Variants in GRIN2D observed in about 807,000 individuals in gnomAD.
GRIN2D encodes glutamate receptor ionotropic, NMDA 2D.
In GRIN2D, 37 loss-of-function variants were observed where a neutral mutation model predicts 103.2. The ratio of observed to expected loss-of-function variants is 0.36; its 90% CI spans 0.28 to 0.47. The LOEUF is 0.47. GRIN2D is among the 20% of genes least tolerant of loss of function. The probability of loss-of-function intolerance (pLI) is 1.00; values close to 1 mark genes in which losing one functional copy is unlikely to be tolerated. For synonymous variants in GRIN2D, 845 were observed against 885.6 expected (o/e 0.95, Z 0.81); for missense variants, 1,557 against 1,910.6 (o/e 0.81, Z 3.45).
At chr19:48,424,334 A>C (rs1316451122) in intron 11 of GRIN2D, among the ~76,000 whole-genome samples, 23 of 131,526 alleles carry the variant, frequency 1.7e-4, no homozygotes, top group Admixed American at 1.1e-3. Flanking sequence ...GCAGTGGCAC[A>C]ATCTCGGCTC....
Position 48,442,691 on chromosome 19 carries a change from C to T in GRIN2D, c.2765C>T (p.Ala922Val), listed in dbSNP as rs571334598. The T allele has an allele frequency of 1.7e-4, 203 of 1,184,806 alleles. 2 individuals carry two copies. The African/African-American group carries it at 3.0e-3, about 18-fold the overall frequency. 73.4% of individuals were successfully genotyped at this position (1,184,806 alleles called of 1,614,324 possible). The change falls in exon 14 of 14, where the codon GCG becomes GTG. Residue 922 changes from alanine to valine, a missense_variant. By Grantham distance (64) the Ala-to-Val change is moderately conservative (BLOSUM62 0). Transcript: ENST00000263269. This position sits in a 1 kb window ranked among gnomAD's most constrained non-coding sequence, Gnocchi z 7.2. ...CCCCTGCCCAGCCCCGCGTACCCCG[C>T]GCCGCGGCCGGCTCCCGGGCCCGCA... is the stretch of plus-strand genomic sequence containing the variant. The part of the protein sequence containing the change: ...PQPLPSPAYP[A>V]PRPAPGPAPF...
chr19:48,423,963 C>T (rs1238111566), intron 11 of GRIN2D, among the ~76,000 whole-genome samples: 3 of 152,028 alleles, frequency 2.0e-5, no homozygotes, highest in African/African-American at 4.8e-5. Context: ...GGATTACAGG[C>T]GTGCACTACT....
chr19:48,420,526 C>G (rs1174603542), intron 10 of GRIN2D, among the ~76,000 whole-genome samples: 6 of 151,730 alleles, frequency 4.0e-5, no homozygotes, highest in Admixed American at 2.6e-4. Context: ...AAAACCAAGA[C>G]AGACAAAAGT....
rs1289035252 is a variant in GRIN2D, at chr19:48,414,344, A to G, written c.1201-29A>G. Reference sequence around the variant, plus strand: ...GGATACACCGGGAAGTCTTCCCAGGAAGCCTGACTCTCTTTCCCTTTGGCC... The same window carrying G: ...GGATACACCGGGAAGTCTTCCCAGGGAGCCTGACTCTCTTTCCCTTTGGCC... On this transcript the variant is annotated intron_variant, in intron 5 of 13. Coordinates refer to ENST00000263269, the MANE Select transcript of GRIN2D (RefSeq NM_000836.4). The surrounding 1 kb of genome is among the most constrained non-coding windows in gnomAD (Gnocchi z 4.6). The G allele has an allele frequency of 3.2e-6, 5 of 1,556,702 alleles. No homozygotes were observed. Among genetic ancestry groups the G allele is most frequent in the Non-Finnish European group, 3.5e-6 (4 of 1,145,874 alleles).
intron 11 of GRIN2D, among the ~76,000 whole-genome samples, chr19:48,440,962 T>G (rs1373280227): frequency 6.6e-6 from 1 of 152,194 alleles, no homozygotes. Flanking sequence ...GTGCTGGGAT[T>G]ACAGCCATGA....
intron 3 of GRIN2D, among the ~76,000 whole-genome samples, chr19:48,400,963 G>A (rs1391671439): frequency 1.3e-5 from 2 of 152,000 alleles, no homozygotes; most frequent in East Asian, 1.9e-4. Flanking sequence ...CTACTCAGGA[G>A]GCTGAGGCAG....
chr19:48,393,704 G>T lies in GRIN2D; in HGVS notation c.-470G>T, dbSNP rs1254596306. On this transcript the variant is annotated 5_prime_UTR_variant, in exon 1 of 14. Transcript: ENST00000263269. This position sits in a 1 kb window ranked among gnomAD's most constrained non-coding sequence, Gnocchi z 5.6. ...GTGTGTGTGTGCGAGAACACAGCGA[G>T]TGTGTGAGTCCCTCCCGCTCCAGCT... Among the ~76,000 whole-genome samples, 6 of 152,006 alleles carry T rather than the reference G, an allele frequency of 3.9e-5. No homozygotes were observed.
chr19:48,408,868 C>A (rs921914703), intron 4 of GRIN2D, among the ~76,000 whole-genome samples: 1 of 151,434 alleles, frequency 6.6e-6, no homozygotes, highest in Non-Finnish European at 1.5e-5. Flanking sequence ...AGCGAAGGAG[C>A]CAAGTATTGG....
intron 11 of GRIN2D, among the ~76,000 whole-genome samples, chr19:48,423,564 G>T (rs556556892): frequency 6.6e-6 from 1 of 152,226 alleles, no homozygotes; most frequent in East Asian, 1.9e-4. Context: ...GAGCTAGCCA[G>T]GTGGACTTCC....
chr19:48,411,368 T>C (rs1970858402), intron 4 of GRIN2D, among the ~76,000 whole-genome samples: 1 of 143,488 alleles, frequency 7.0e-6, no homozygotes, highest in African/African-American at 2.6e-5. Flanking sequence ...ATAATAATAA[T>C]AGGCCGGCAG....
rs1207575572 is a variant in GRIN2D at position 48,421,420 on chromosome 19, C to T, written c.2092-365C>T. Reference sequence around the variant, plus strand: ...TCCAGCCTGGGCAACAAGAGCAAGACTCCGTTTAAAAAAAAAAAAGTGAAC... The same window carrying T: ...TCCAGCCTGGGCAACAAGAGCAAGATTCCGTTTAAAAAAAAAAAAGTGAAC... On this transcript the variant is annotated intron_variant, in intron 10 of 13. Coordinates refer to ENST00000263269, the MANE Select transcript of GRIN2D (RefSeq NM_000836.4). The surrounding 1 kb of genome is among the most constrained non-coding windows in gnomAD (Gnocchi z 4.8). Among the ~76,000 whole-genome samples the T allele has an allele frequency of 1.0e-5, 1 of 99,218 alleles. No homozygotes were observed. Among genetic ancestry groups the T allele is most frequent in the Non-Finnish European group, 1.8e-5 (1 of 55,526 alleles). The allele number at this position is 99,218 out of a possible 152,430, so 65.1% of individuals were successfully genotyped here. A position where few individuals can be genotyped will look rare whatever the true frequency, so the allele number is the denominator to read the frequency against.
chr19:48,419,527 T>C (rs1970990990), intron 9 of GRIN2D, 58 bp from the exon 10 acceptor site: 3 of 1,396,542 alleles, frequency 2.1e-6, no homozygotes, highest in East Asian at 2.3e-5. Flanking sequence ...TTTTTTTTTT[T>C]TCCCTTCCTT....
intron 11 of GRIN2D, among the ~76,000 whole-genome samples, chr19:48,425,566 G>T (rs541656567): frequency 3.1e-4 from 47 of 152,220 alleles, no homozygotes; most frequent in Middle Eastern, 3.4e-3. Flanking sequence ...AATCTACTTG[G>T]TTCCCAAGTT....
intron 11 of GRIN2D, among the ~76,000 whole-genome samples, chr19:48,424,955 CCTT>C (rs909903799): frequency 1.6e-4 from 24 of 152,094 alleles, no homozygotes; most frequent in African/African-American, 5.3e-4. Flanking sequence ...CCCCCTTCCC[CCTT>C]CTTCCGTTTT....
Position 48,442,538 on chromosome 19 carries a change from G to A in GRIN2D, c.2674-62G>A. On this transcript the variant is annotated intron_variant, in intron 13 of 13. Coordinates refer to ENST00000263269, the MANE Select transcript of GRIN2D (RefSeq NM_000836.4). This position sits in a 1 kb window ranked among gnomAD's most constrained non-coding sequence, Gnocchi z 7.2. ...AAATGGAGAGGAGAGAGGGACTGAG[G>A]GGAGGCGGGCAGGCGTCCTGGGCAT... is the stretch of plus-strand genomic sequence containing the variant. 1.4e-6 allele frequency: 2 copies of A among 1,477,878 alleles called. No individual in the cohort carries two copies. Among genetic ancestry groups the A allele is most frequent in the Non-Finnish European group, 8.9e-7 (1 of 1,118,432 alleles). The allele number at this position is 1,477,878 out of a possible 1,614,324, so 91.5% of individuals were successfully genotyped here.
intron 3 of GRIN2D, among the ~76,000 whole-genome samples, chr19:48,404,133 G>A (rs575102678): frequency 3.0e-4 from 45 of 152,174 alleles, no homozygotes; most frequent in Admixed American, 4.6e-4. Flanking sequence ...CCAGCTACTC[G>A]GGAGGCTGAG....
chr19:48,405,032 C>T lies in GRIN2D; in HGVS notation c.764C>T (p.Pro255Leu). ...TTCTGCGCCCGAGAGGAGGCCGAGC[C>T]CGTGTTCCGCGCAGCTGAGGAGGCT... ...LLFCAREEAE[P>L]VFRAAEEAGL... Residue 255 changes from proline (P) to leucine (L), a missense_variant, in exon 4 of 14, where the codon CCC becomes CTC. Transcript: ENST00000263269. The surrounding 1 kb of genome is among the most constrained non-coding windows in gnomAD (Gnocchi z 5.1). The T allele has an allele frequency of 1.9e-6, 3 of 1,611,730 alleles. No individual in the cohort carries two copies. Among genetic ancestry groups the T allele is most frequent in the South Asian group, 1.1e-5 (1 of 90,884 alleles).
At chr19:48,403,198 CAAAAAAAAAAA>C (rs145115482) in intron 3 of GRIN2D, among the ~76,000 whole-genome samples, 1 of 91,318 alleles carries the variant, frequency 1.1e-5, no homozygotes. Context: ...GACTCTGTCT[CAAAAAAAAAAA>C]AAAAAAAAAA....
At chr19:48,436,849 G>C (rs1271732948) in intron 11 of GRIN2D, among the ~76,000 whole-genome samples, 2 of 152,154 alleles carry the variant, frequency 1.3e-5, no homozygotes, top group Non-Finnish European at 2.9e-5. Context: ...AGTGAGGGGG[G>C]GCTTGGGAGA....
Sources: allele counts gnomAD v4.1 joint callset (sites outside exome capture counted in the v4.1 genomes callset), GRCh38; gene constraint gnomAD v4.1.1; non-coding constraint Gnocchi (gnomAD v3.1); transcripts MANE v1.5; gene names NCBI Gene and HGNC (gene_info 2026-07-23, HGNC 2026-07-21).